The following FMN2 variants were observed in gnomAD, a reference collection of about 807,000 sequenced individuals.
FMN2 encodes the protein formin 2, also known as formin-2.
A neutral mutation model predicts 142.3 loss-of-function variants in FMN2; 51 were observed. That is an observed-to-expected ratio of 0.36 (90% CI 0.29 to 0.45). The LOEUF (loss-of-function observed/expected upper bound fraction) is 0.45, where lower values mean the gene tolerates loss of function less well. Ranked by LOEUF, FMN2 falls within the 20% of genes least tolerant of loss-of-function variation. The pLI is 1.00. For synonymous variants in FMN2, 882 were observed against 869.8 expected (o/e 1.01, Z -0.25); for missense variants, 1,936 against 2,122.8 (o/e 0.91, Z 1.73).
At chr1:240,211,057 A>G (rs1666672107) in intron 5 of FMN2, 34 bp from the exon 6 acceptor site, 1 of 1,572,406 alleles carries the variant, frequency 6.4e-7, no homozygotes, top group Admixed American at 1.9e-5. Flanking sequence ...GTTCAGTTTG[A>G]TGGCTGTTTT....
At chr1:240,256,374 T>C (rs1308836812) in intron 6 of FMN2, among the ~76,000 whole-genome samples, 2 of 152,150 alleles carry the variant, frequency 1.3e-5, no homozygotes, top group East Asian at 1.9e-4. Context: ...AAAATGTATA[T>C]GTTGCTTTTT....
intron 7 of FMN2, among the ~76,000 whole-genome samples, chr1:240,281,645 A>C (rs1669399174): frequency 6.6e-6 from 1 of 152,192 alleles, no homozygotes; most frequent in Non-Finnish European, 1.5e-5. Flanking sequence ...TCGAGAGTAC[A>C]TTTTTGTCTT....
intron 2 of FMN2, among the ~76,000 whole-genome samples, chr1:240,176,757 T>C (rs7511877): frequency 0.22 from 34,117 of 152,154 alleles, 4,073 homozygotes; most frequent in African/African-American, 0.29. Context: ...AGCTGGAAGA[T>C]ACATGAGTAG....
At chr1:240,236,529 A>G (rs991134) in intron 6 of FMN2, among the ~76,000 whole-genome samples, 100,753 of 152,106 alleles carry the variant, frequency 0.66, 33,983 homozygotes, top group African/African-American at 0.74. Context: ...GGTTCTGTAG[A>G]CCACACAAGC....
intron 6 of FMN2, among the ~76,000 whole-genome samples, chr1:240,241,176 T>A (rs952310677): frequency 6.6e-6 from 1 of 152,082 alleles, no homozygotes; most frequent in Non-Finnish European, 1.5e-5. Flanking sequence ...AATGCCATTT[T>A]GTTTCTTCAT....
rs576454854 is a variant in FMN2 at position 240,378,615 on chromosome 1, A to G, written c.4859-13896A>G. On this transcript the variant is annotated intron_variant, in intron 14 of 17. Coordinates refer to ENST00000319653, the MANE Select transcript of FMN2 (RefSeq NM_020066.5). The stretch of plus-strand genomic sequence containing the variant: ...GATACATTATGCTAGAATGTTTACT[A>G]ATGTCACAGTTCATCAATATTCTGC... 2.4e-4 allele frequency among the ~76,000 whole-genome samples: 37 copies of G among 152,248 alleles called. 1 individual carries two copies. In the South Asian group the frequency reaches 6.6e-3, roughly 27 times the overall value.
intron 3 of FMN2, among the ~76,000 whole-genome samples, chr1:240,182,420 G>A (rs1371846516): frequency 2.6e-5 from 4 of 152,120 alleles, no homozygotes; most frequent in African/African-American, 2.4e-5. Flanking sequence ...ATATGGAAGA[G>A]GATCTGGTAG....
chr1:240,170,285 T>C, intron 2 of FMN2: 1 of 1,114,426 alleles, frequency 9.0e-7, no homozygotes. Context: ...TGAATCAAGA[T>C]CATTGCCACT....
chr1:240,334,076 TC>T, intron 12 of FMN2, 32 bp from the exon 13 acceptor site: 2 of 1,573,428 alleles, frequency 1.3e-6, no homozygotes, highest in Non-Finnish European at 1.7e-6. Flanking sequence ...ATAACCAATT[TC>T]TTTAAATATG....
At chr1:240,095,386 T>TGCACACAC (rs137945756) in intron 1 of FMN2, among the ~76,000 whole-genome samples, 3 of 149,764 alleles carry the variant, frequency 2.0e-5, no homozygotes, top group Non-Finnish European at 4.4e-5. Context: ...TATATGTGCA[T>TGCACACAC]ACACACACAC....
chr1:240,232,155 C>T (rs538589244), intron 6 of FMN2, among the ~76,000 whole-genome samples: 15 of 151,962 alleles, frequency 9.9e-5, no homozygotes, highest in Non-Finnish European at 1.6e-4. Context: ...CTGCAACCTC[C>T]GCCTCCTGGG....
At chr1:240,232,860 T>C (rs149000545) in intron 6 of FMN2, among the ~76,000 whole-genome samples, 68 of 152,340 alleles carry the variant, frequency 4.5e-4, no homozygotes, top group Non-Finnish European at 8.1e-4. Flanking sequence ...CCCAGGACTT[T>C]GTTGAATCTG....
chr1:240,228,812 A>G (rs1667438265), intron 6 of FMN2, among the ~76,000 whole-genome samples: 1 of 152,170 alleles, frequency 6.6e-6, no homozygotes, highest in African/African-American at 2.4e-5. Flanking sequence ...CCTAAAAATA[A>G]ATGGTCAAAA....
chr1:240,121,560 T>A (rs1662250408), intron 1 of FMN2, among the ~76,000 whole-genome samples: 1 of 150,626 alleles, frequency 6.6e-6, no homozygotes, highest in Non-Finnish European at 1.5e-5. Context: ...TGTTTTGTTT[T>A]TTGTATTTTT....
chr1:240,160,224 C>T (rs1033458856), intron 2 of FMN2, among the ~76,000 whole-genome samples: 1 of 150,586 alleles, frequency 6.6e-6, no homozygotes, highest in South Asian at 2.1e-4. Context: ...CAAAATTTCC[C>T]TGATACTAGA....
At chr1:240,350,225 A>T (rs1276925320) in intron 13 of FMN2, among the ~76,000 whole-genome samples, 2 of 152,242 alleles carry the variant, frequency 1.3e-5, no homozygotes, top group Non-Finnish European at 2.9e-5. Flanking sequence ...TAATATAGTG[A>T]ATAAGTAAAG....
At chr1:240,102,737 T>C (rs1661456861) in intron 1 of FMN2, among the ~76,000 whole-genome samples, 1 of 152,192 alleles carries the variant, frequency 6.6e-6, no homozygotes. Context: ...ATGTTGACTC[T>C]GTTGGATTCA....
chr1:240,472,638 T>A (rs1036595306), intron 17 of FMN2, among the ~76,000 whole-genome samples, 185 bp downstream of exon 17: 1 of 152,098 alleles, frequency 6.6e-6, no homozygotes, highest in Non-Finnish European at 1.5e-5. Flanking sequence ...AGAGTCTTGA[T>A]ATTGATTATT....
intron 16 of FMN2, among the ~76,000 whole-genome samples, chr1:240,467,029 T>G (rs1037293164): frequency 6.6e-6 from 1 of 152,226 alleles, no homozygotes; most frequent in African/African-American, 2.4e-5. Context: ...AAATAGAGTT[T>G]CTGCTTAAGG....
Sources: gnomAD v4.1 joint callset for allele counts (sites outside exome capture counted in the v4.1 genomes callset) on GRCh38, gnomAD v4.1.1 for gene constraint, MANE v1.5 for transcripts, NCBI Gene and HGNC (gene_info 2026-07-23, HGNC 2026-07-21) for gene names.